The following NPAS3 variants were observed in gnomAD, a reference collection of about 807,000 sequenced individuals.
NPAS3 encodes neuronal PAS domain protein 3.
A neutral mutation model predicts 73.1 loss-of-function variants in NPAS3; 14 were observed. That is an observed-to-expected ratio of 0.19 (90% CI 0.13 to 0.30). The LOEUF is 0.30. Among genes scored for constraint, NPAS3 ranks in the 10% least tolerant of loss-of-function variants. The probability of loss-of-function intolerance (pLI) is 1.00; values close to 1 mark genes in which losing one functional copy is unlikely to be tolerated. For missense variants in NPAS3, 1,096 were observed against 1,250.0 expected (o/e 0.88, Z 1.86); for synonymous variants, 620 against 541.5 (o/e 1.14, Z -2.01).
Position 33,563,537 on chromosome 14 carries a change from C to CACACACACACACACAGAGAGAGAG in NPAS3, c.558+3328_558+3329insCACACACACACACAGAGAGAGAGA. Among the ~76,000 whole-genome samples the CACACACACACACACAGAGAGAGAG allele has an allele frequency of 3.4e-3, 412 of 119,638 alleles. 2 individuals carry two copies. The highest frequency in any genetic ancestry group is 0.013 in the Middle Eastern group (3 of 228). The allele number at this position is 119,638 out of a possible 152,430, so 78.5% of individuals were successfully genotyped here. On this transcript the variant is annotated intron_variant, in intron 5 of 11. Transcript: ENST00000356141. Reference sequence around the variant, plus strand: ...ATACATACACACACACACACACACACAGAGAGAGAGAGAGAGAGAGAGAGA... The same window carrying CACACACACACACACAGAGAGAGAG: ...ATACATACACACACACACACACACACACACACACACACACAGAGAGAGAGAGAGAGAGAGAGAGAGAGAGAGAGA...
intron 1 of NPAS3, among the ~76,000 whole-genome samples, chr14:32,968,080 GA>G (rs753129360): frequency 1.3e-5 from 2 of 152,138 alleles, no homozygotes; most frequent in Non-Finnish European, 2.9e-5. Context: ...CAGAGACAGG[GA>G]GACTAGAGGG....
intron 4 of NPAS3, among the ~76,000 whole-genome samples, chr14:33,408,476 CA>C (rs1315379009): frequency 2.6e-5 from 4 of 151,952 alleles, no homozygotes; most frequent in Admixed American, 2.6e-4. Context: ...GGGAAACAGC[CA>C]AACATCCTTT....
intron 4 of NPAS3, among the ~76,000 whole-genome samples, chr14:33,553,067 G>A (rs1487840013): frequency 1.3e-5 from 2 of 152,216 alleles, no homozygotes; most frequent in Non-Finnish European, 2.9e-5. Context: ...ACAAACCAGA[G>A]ATAATATGGA....
intron 2 of NPAS3, among the ~76,000 whole-genome samples, chr14:33,161,490 A>T (rs17100286): frequency 0.094 from 14,253 of 152,246 alleles, 739 homozygotes; most frequent in African/African-American, 0.14. Context: ...AATCAACAAA[A>T]GCTATATACT....
chr14:33,219,469 T>C (rs888597147), intron 3 of NPAS3, among the ~76,000 whole-genome samples: 1 of 152,196 alleles, frequency 6.6e-6, no homozygotes, highest in African/African-American at 2.4e-5. Context: ...TGCTAAAATA[T>C]GTAAAGTATA....
rs532513797 is a variant in NPAS3, at chr14:33,589,982, A to C, written c.558+29772A>C. 5.3e-5 allele frequency among the ~76,000 whole-genome samples: 8 copies of C among 152,206 alleles called. No individual in the cohort carries two copies. The South Asian group carries it at 1.7e-3, about 32-fold the overall frequency. On this transcript the variant is annotated intron_variant, in intron 5 of 11. Transcript: ENST00000356141. ...AAAGTATCAGCAAGATGAGAAGGCC[A>C]TAAAGGTGGCAATAAAACCCAAATG...
chr14:33,323,221 C>T (rs1463699606), intron 3 of NPAS3, among the ~76,000 whole-genome samples: 1 of 152,182 alleles, frequency 6.6e-6, no homozygotes, highest in Non-Finnish European at 1.5e-5. Flanking sequence ...CTGTTGTCTC[C>T]TTTGTCTACA....
At position 33,414,804 on chromosome 14, in the gene NPAS3, C is replaced by T. The variant is rs79827954; in HGVS notation, c.468+47536C>T. 9.0e-3 allele frequency among the ~76,000 whole-genome samples: 1,366 copies of T among 152,142 alleles called. 26 individuals are homozygous for T. Among genetic ancestry groups the T allele is most frequent in the African/African-American group, 0.03 (1,264 of 41,486 alleles). ...GGGTAGGGTGGTTTGATTCTGTCAC[C>T]GTCCACTCCTTGAGAATTACTGGTC... On this transcript the variant is annotated intron_variant, in intron 4 of 11. Coordinates refer to ENST00000356141, the Ensembl canonical transcript of NPAS3.
chr14:33,745,203 C>G (rs534540354), intron 7 of NPAS3, among the ~76,000 whole-genome samples: 2 of 151,812 alleles, frequency 1.3e-5, no homozygotes, highest in African/African-American at 4.8e-5. Flanking sequence ...GAGCCATGAC[C>G]GTGCCACTGC....
At chr14:33,137,523 A>C (rs1015802523) in intron 2 of NPAS3, among the ~76,000 whole-genome samples, 6 of 152,336 alleles carry the variant, frequency 3.9e-5, no homozygotes, top group Middle Eastern at 3.4e-3. Context: ...ATTGAAGTAC[A>C]AATTTCAAAG....
At chr14:33,667,535 C>T (rs1248698719) in intron 5 of NPAS3, among the ~76,000 whole-genome samples, 2 of 152,212 alleles carry the variant, frequency 1.3e-5, no homozygotes, top group African/African-American at 4.8e-5. Flanking sequence ...CCAAGACTAA[C>T]TCAGTCTGTT....
intron 1 of NPAS3, among the ~76,000 whole-genome samples, chr14:32,942,210 T>C (rs191970802): frequency 1.3e-5 from 2 of 152,368 alleles, no homozygotes; most frequent in Admixed American, 1.3e-4. Flanking sequence ...GAGGCATTTA[T>C]GGACAGTTTA....
intron 4 of NPAS3, among the ~76,000 whole-genome samples, chr14:33,419,941 A>C (rs1391159401): frequency 6.6e-6 from 1 of 151,958 alleles, no homozygotes; most frequent in African/African-American, 2.4e-5. Flanking sequence ...TTGTGTGGAA[A>C]ATATACTTCC....
chr14:33,268,050 T>G (rs1159700368), intron 3 of NPAS3, among the ~76,000 whole-genome samples: 5 of 152,200 alleles, frequency 3.3e-5, no homozygotes, highest in African/African-American at 1.2e-4. Context: ...TTTTTTCAGC[T>G]GCTAAGTTTC....
chr14:33,069,898 G>C (rs1164707674), intron 2 of NPAS3, among the ~76,000 whole-genome samples: 1 of 152,152 alleles, frequency 6.6e-6, no homozygotes, highest in African/African-American at 2.4e-5. Flanking sequence ...TTCTCTAGTT[G>C]ATAGTTTAAA....
At chr14:33,076,833 C>T (rs555645368) in intron 2 of NPAS3, among the ~76,000 whole-genome samples, 2 of 152,178 alleles carry the variant, frequency 1.3e-5, no homozygotes, top group Non-Finnish European at 2.9e-5. Flanking sequence ...ATATATATGA[C>T]AGAATATTTA....
intron 1 of NPAS3, among the ~76,000 whole-genome samples, chr14:33,044,611 A>G (rs1172811526): frequency 6.6e-6 from 1 of 151,508 alleles, no homozygotes; most frequent in Non-Finnish European, 1.5e-5. Context: ...GACATAGGAT[A>G]TGATGAATTT....
chr14:33,592,096 A>T (rs756967536), intron 5 of NPAS3, among the ~76,000 whole-genome samples: 14 of 152,172 alleles, frequency 9.2e-5, no homozygotes, highest in Non-Finnish European at 2.1e-4. Flanking sequence ...AATGACATTA[A>T]CACACCTTAT....
At chr14:33,791,125 T>C (rs1476329903) in intron 9 of NPAS3, among the ~76,000 whole-genome samples, 1 of 152,198 alleles carries the variant, frequency 6.6e-6, no homozygotes, top group African/African-American at 2.4e-5. Context: ...GAATTCTGCC[T>C]GTCAGACTGG....
Sources: gnomAD v4.1 joint callset for allele counts (sites outside exome capture counted in the v4.1 genomes callset) on GRCh38, gnomAD v4.1.1 for gene constraint, MANE v1.5 for transcripts, NCBI Gene and HGNC (gene_info 2026-07-23, HGNC 2026-07-21) for gene names.